ZBTB16: variants seen among roughly 807,000 people sequenced by gnomAD.
The protein encoded by ZBTB16 is zinc finger and BTB domain-containing protein 16.
ZBTB16 carries 8 observed loss-of-function variants against 56.8 expected under a neutral mutation model. That is an observed-to-expected ratio of 0.14 (90% CI 0.08 to 0.25). ZBTB16 has a LOEUF of 0.25. Among genes scored for constraint, ZBTB16 ranks in the 10% least tolerant of loss-of-function variants. The pLI, the probability that ZBTB16 is intolerant of heterozygous loss-of-function variation, is 1.00. For missense variants in ZBTB16, 625 were observed against 903.0 expected (o/e 0.69, Z 3.95); for synonymous variants, 363 against 368.5 (o/e 0.98, Z 0.17).
chr11:114,144,994 A>G (rs1942060504), intron 2 of ZBTB16, among the ~76,000 whole-genome samples: 1 of 152,124 alleles, frequency 6.6e-6, no homozygotes, highest in Non-Finnish European at 1.5e-5. Flanking sequence ...TTTTCACTTG[A>G]TTCTCTAAAA....
chr11:114,169,490 C>T (rs991404185), intron 3 of ZBTB16, among the ~76,000 whole-genome samples: 4 of 152,034 alleles, frequency 2.6e-5, no homozygotes, highest in Admixed American at 6.5e-5. Flanking sequence ...AGAGAAACCT[C>T]GATGACTACT....
intron 4 of ZBTB16, among the ~76,000 whole-genome samples, chr11:114,197,060 T>G (rs1465627065): frequency 1.3e-5 from 2 of 151,954 alleles, no homozygotes; most frequent in Non-Finnish European, 2.9e-5. Context: ...AAAAAGGGGG[T>G]CAGTTAAGAA....
intron 5 of ZBTB16, among the ~76,000 whole-genome samples, chr11:114,246,091 GA>G: frequency 6.6e-6 from 1 of 152,284 alleles, no homozygotes; most frequent in Middle Eastern, 3.4e-3. Context: ...GGAGATTTAA[GA>G]GTGGGATCCT....
chr11:114,130,943 C>T (rs1941643462), intron 2 of ZBTB16, among the ~76,000 whole-genome samples: 1 of 152,174 alleles, frequency 6.6e-6, no homozygotes, highest in Admixed American at 6.5e-5. Flanking sequence ...AAATGCTTTG[C>T]AAAACAGACT....
intron 4 of ZBTB16, among the ~76,000 whole-genome samples, chr11:114,195,512 A>G (rs974340363): frequency 6.6e-6 from 1 of 152,132 alleles, no homozygotes; most frequent in Non-Finnish European, 1.5e-5. Context: ...TCTAGAGGAC[A>G]TTACTTCCTA....
intron 6 of ZBTB16, among the ~76,000 whole-genome samples, chr11:114,249,575 C>A (rs1752404669): frequency 7.1e-6 from 1 of 140,810 alleles, no homozygotes. Flanking sequence ...ACCATCCTGG[C>A]TAACAAGGTG....
intron 2 of ZBTB16, among the ~76,000 whole-genome samples, chr11:114,138,187 A>G (rs1268409975): frequency 6.6e-6 from 1 of 152,178 alleles, no homozygotes; most frequent in Non-Finnish European, 1.5e-5. Flanking sequence ...TTGCCATTTT[A>G]GAGTAAAACA....
At chr11:114,153,513 C>T (rs1023366822) in intron 2 of ZBTB16, among the ~76,000 whole-genome samples, 3 of 152,280 alleles carry the variant, frequency 2.0e-5, no homozygotes, top group Non-Finnish European at 2.9e-5. Context: ...AGAGTCATTC[C>T]GAGGACAGGC....
chr11:114,114,031 A>T (rs1344796041), intron 2 of ZBTB16, among the ~76,000 whole-genome samples: 2 of 152,122 alleles, frequency 1.3e-5, no homozygotes, highest in Non-Finnish European at 2.9e-5. Context: ...AGGGATAAAA[A>T]CTCATCCCAT....
At position 114,250,204 on chromosome 11, in the gene ZBTB16, G is replaced by C. The variant is rs919088203; in HGVS notation, c.1793-122G>C. ...GGTGGTGCCTTCATTGTCCCAGAAAGTTCTGTTGGAGCAAGCCCAGCTGGA... is the reference window on the plus strand; with the variant it reads ...GGTGGTGCCTTCATTGTCCCAGAAACTTCTGTTGGAGCAAGCCCAGCTGGA... On this transcript the variant is annotated intron_variant, in intron 6 of 6. Transcript: ENST00000335953. This position sits in a 1 kb window ranked among gnomAD's most constrained non-coding sequence, Gnocchi z 6.0. 4.6e-6 allele frequency: 5 copies of C among 1,081,772 alleles called. No homozygotes were observed. In the Admixed American group the frequency reaches 5.4e-5, roughly 12 times the overall value. 67.0% of individuals were successfully genotyped at this position (1,081,772 alleles called of 1,614,324 possible). A position where few individuals can be genotyped will look rare whatever the true frequency, so the allele number is the denominator to read the frequency against.
At chr11:114,175,370 G>A (rs941070813) in intron 3 of ZBTB16, among the ~76,000 whole-genome samples, 26 of 152,112 alleles carry the variant, frequency 1.7e-4, no homozygotes, top group Admixed American at 5.2e-4. Flanking sequence ...TCATTATGAT[G>A]CAAGCATTGT....
intron 4 of ZBTB16, chr11:114,188,362 A>G (rs1943412407): frequency 6.6e-6 from 1 of 152,222 alleles, no homozygotes; most frequent in South Asian, 2.1e-4. Flanking sequence ...CTTATAGTTC[A>G]GAGCTGAGAC....
intron 6 of ZBTB16, among the ~76,000 whole-genome samples, chr11:114,249,162 G>T (rs938632238): frequency 6.7e-6 from 1 of 150,116 alleles, no homozygotes; most frequent in South Asian, 2.2e-4. Flanking sequence ...AGGTCTTAGC[G>T]GTTTTAGCAG....
At chr11:114,218,053 A>G (rs1365337178) in intron 4 of ZBTB16, among the ~76,000 whole-genome samples, 1 of 152,026 alleles carries the variant, frequency 6.6e-6, no homozygotes, top group African/African-American at 2.4e-5. Flanking sequence ...GAAGAGGCTG[A>G]CAGGCTGAAG....
chr11:114,142,749 T>TG (rs1372014514), intron 2 of ZBTB16, among the ~76,000 whole-genome samples: 1 of 142,744 alleles, frequency 7.0e-6, no homozygotes, highest in Non-Finnish European at 1.6e-5. Flanking sequence ...TGGAGGAGCA[T>TG]GGGGCCTTGG....
intron 4 of ZBTB16, among the ~76,000 whole-genome samples, chr11:114,208,767 T>A (rs1943939450): frequency 6.6e-6 from 1 of 152,188 alleles, no homozygotes; most frequent in South Asian, 2.1e-4. Context: ...ACCACTATTG[T>A]TTGGAATGAT....
chr11:114,082,198 T>C (rs1036400380), intron 2 of ZBTB16, among the ~76,000 whole-genome samples: 1 of 152,060 alleles, frequency 6.6e-6, no homozygotes, highest in Middle Eastern at 3.5e-3. Flanking sequence ...GAGGATGGCT[T>C]GAACTTATAA....
chr11:114,230,247 C>T (rs571461960), intron 4 of ZBTB16, among the ~76,000 whole-genome samples: 51 of 152,288 alleles, frequency 3.3e-4, no homozygotes, highest in Middle Eastern at 3.4e-3. Context: ...CACACATGCA[C>T]ACACATGCAG....
intron 2 of ZBTB16, among the ~76,000 whole-genome samples, chr11:114,101,086 G>C (rs1401673414): frequency 6.6e-6 from 1 of 152,048 alleles, no homozygotes; most frequent in Non-Finnish European, 1.5e-5. Flanking sequence ...CTGCAACCTT[G>C]CTTGCTCTCC....
Sources: gnomAD v4.1 joint callset for allele counts (sites outside exome capture counted in the v4.1 genomes callset) on GRCh38, gnomAD v4.1.1 for gene constraint, Gnocchi (gnomAD v3.1) non-coding constraint, MANE v1.5 for transcripts, NCBI Gene and HGNC (gene_info 2026-07-23, HGNC 2026-07-21) for gene names.